Variants in FAM220A observed in about 807,000 individuals in gnomAD.
The protein encoded by FAM220A is protein FAM220A.
For synonymous variants in FAM220A, 141 were observed against 130.7 expected (o/e 1.08, Z -0.54); for missense variants, 392 against 321.6 (o/e 1.22, Z -1.68).
chr7:6,333,220 C>T lies in FAM220A; in HGVS notation c.-81-1985G>A, dbSNP rs116918242. 6.8e-3 allele frequency among the ~76,000 whole-genome samples: 1,023 copies of T among 150,196 alleles called. 10 individuals carry two copies. Among genetic ancestry groups the T allele is most frequent in the Non-Finnish European group, 0.011 (719 of 67,576 alleles). On this transcript the variant is annotated intron_variant, in intron 1 of 1. Coordinates refer to ENST00000313324, the MANE Select transcript of FAM220A (RefSeq NM_001037163.2). The stretch of plus-strand genomic sequence containing the variant: ...AACACTGGGGAGAAAATGAAGGATG[C>T]AGTTATTATTAGAGGCTGAAGGAGA...
At chr7:6,346,506 A>G (rs1293268762) in intron 1 of FAM220A, among the ~76,000 whole-genome samples, 1 of 152,158 alleles carries the variant, frequency 6.6e-6, no homozygotes, top group Non-Finnish European at 1.5e-5. Flanking sequence ...AGCTGGGACT[A>G]CAGGTGCACG....
Position 6,330,204 on chromosome 7 carries a change from T to C in FAM220A, c.*171A>G, listed in dbSNP as rs1017493787. On this transcript the variant is annotated 3_prime_UTR_variant, in exon 2 of 2. Transcript: ENST00000313324. ...TTTAACACATGCCAAAAAAGTTCCT[T>C]CCGCATCAACTGGCTTTGAATTTAA... 5.8e-5 allele frequency: 39 copies of C among 670,358 alleles called. No individual in the cohort carries two copies. The highest frequency in any genetic ancestry group is 9.4e-5 in the Non-Finnish European group (37 of 395,462). 41.5% of individuals were successfully genotyped at this position (670,358 alleles called of 1,614,324 possible). A position where few individuals can be genotyped will look rare whatever the true frequency, so the allele number is the denominator to read the frequency against.
intron 1 of FAM220A, among the ~76,000 whole-genome samples, chr7:6,345,417 C>T (rs986677452): frequency 6.6e-6 from 1 of 151,970 alleles, no homozygotes; most frequent in African/African-American, 2.4e-5. Context: ...ACCCAGCCCT[C>T]GATCTGATTT....
chr7:6,343,617 T>C (rs992535428), intron 1 of FAM220A, among the ~76,000 whole-genome samples: 3 of 151,790 alleles, frequency 2.0e-5, no homozygotes, highest in Non-Finnish European at 2.9e-5. Flanking sequence ...AGATTCTGTA[T>C]AAATAAGAAG....
At chr7:6,331,838 T>G (rs1781642391) in intron 1 of FAM220A, among the ~76,000 whole-genome samples, 1 of 151,102 alleles carries the variant, frequency 6.6e-6, no homozygotes, top group African/African-American at 2.4e-5. Context: ...CCTCTCAGGT[T>G]CGAGCGATTC....
Position 6,346,320 on chromosome 7 carries a change from C to T in FAM220A, c.-82+2253G>A, listed in dbSNP as rs547622115. 3.3e-5 allele frequency among the ~76,000 whole-genome samples: 5 copies of T among 152,296 alleles called. No individual in the cohort carries two copies. The South Asian group carries it at 1.0e-3, about 32-fold the overall frequency. ...TCAGAATGCTACAAGCCCTTGATCA[C>T]ATGACAGTACCTCAATTTGGACCTC... is the stretch of plus-strand genomic sequence containing the variant. On this transcript the variant is annotated intron_variant, in intron 1 of 1. Transcript: ENST00000313324.
chr7:6,339,140 T>C (rs1339927942), intron 1 of FAM220A, among the ~76,000 whole-genome samples: 2 of 152,126 alleles, frequency 1.3e-5, no homozygotes, highest in African/African-American at 2.4e-5. Context: ...CTAACATCAC[T>C]GAGTTCCTGC....
In FAM220A at chr7:6,335,284, A is replaced by G. The variant is rs558778225; in HGVS notation, c.-81-4049T>C. Among the ~76,000 whole-genome samples the G allele has an allele frequency of 2.6e-5, 4 of 151,278 alleles. No homozygotes were observed. The East Asian group carries it at 7.8e-4, about 30-fold the overall frequency. On this transcript the variant is annotated intron_variant, in intron 1 of 1. Transcript: ENST00000313324. ...GTTGCCCAGGCTGGAGGGCAATGGCACAATCTCGGCTCACTACAACCTCTG... is the reference window on the plus strand; with the variant it reads ...GTTGCCCAGGCTGGAGGGCAATGGCGCAATCTCGGCTCACTACAACCTCTG...
chr7:6,334,768 G>C (rs575634432), intron 1 of FAM220A, among the ~76,000 whole-genome samples: 1 of 148,692 alleles, frequency 6.7e-6, no homozygotes, highest in South Asian at 2.2e-4. Context: ...GCCCAGCCTG[G>C]ATAGTTAGTT....
At chr7:6,339,043 C>T (rs1781800062) in intron 1 of FAM220A, among the ~76,000 whole-genome samples, 2 of 152,152 alleles carry the variant, frequency 1.3e-5, no homozygotes, top group African/African-American at 4.8e-5. Flanking sequence ...AAACAAACCC[C>T]CGGATTTCCA....
In FAM220A at chr7:6,348,684, G is replaced by A; in HGVS notation, c.-193C>T. 1 of 483,556 alleles carries A rather than the reference G, an allele frequency of 2.1e-6. No individual in the cohort carries two copies. The highest frequency in any genetic ancestry group is 3.5e-5 in the South Asian group (1 of 28,186). The allele number at this position is 483,556 out of a possible 1,614,324, so 30.0% of individuals were successfully genotyped here. On this transcript the variant is annotated 5_prime_UTR_variant, in exon 1 of 2. Transcript: ENST00000313324. ...TGAGCAGCGTGCGAGTCAGCCCCTT[G>A]CAGAAGACCCCATAGGAGCGGGCGG...
Position 6,330,182 on chromosome 7 carries a change from A to C in FAM220A, c.*193T>G. 1 of 610,270 alleles carries C rather than the reference A, an allele frequency of 1.6e-6. No individual in the cohort carries two copies. Among genetic ancestry groups the C allele is most frequent in the Non-Finnish European group, 2.9e-6 (1 of 343,098 alleles). 37.8% of individuals were successfully genotyped at this position (610,270 alleles called of 1,614,324 possible). The stretch of plus-strand genomic sequence containing the variant: ...TTATATGTCTTTTAAAGCACAATTT[A>C]ACACATGCCAAAAAAGTTCCTTCCG... On this transcript the variant is annotated 3_prime_UTR_variant, in exon 2 of 2. Transcript: ENST00000313324.
chr7:6,348,878 G>A lies in FAM220A; in HGVS notation c.-387C>T. 2.6e-6 allele frequency: 1 copy of A among 388,648 alleles called. No homozygotes were observed. Among genetic ancestry groups the A allele is most frequent in the South Asian group, 1.4e-4 (1 of 7,090 alleles). The allele number at this position is 388,648 out of a possible 1,614,324, so 24.1% of individuals were successfully genotyped here. The stretch of plus-strand genomic sequence containing the variant: ...GGAGGCGGCGGCTAGACCGGCGGGC[G>A]GGCGGGCCGCAGTGGAGCGGAGTCC... On this transcript the variant is annotated 5_prime_UTR_variant, in exon 1 of 2. Transcript: ENST00000313324.
At chr7:6,341,982 G>C (rs895029846) in intron 1 of FAM220A, 6 of 151,086 alleles carry the variant, frequency 4.0e-5, no homozygotes, top group African/African-American at 1.5e-4. Flanking sequence ...TGGGCGACAA[G>C]AACAAGACTC....
chr7:6,335,758 G>A (rs934235111), intron 1 of FAM220A, among the ~76,000 whole-genome samples: 3 of 152,130 alleles, frequency 2.0e-5, no homozygotes, highest in African/African-American at 7.2e-5. Flanking sequence ...AACCAGGCCA[G>A]GTGCAGTGGC....
chr7:6,342,438 G>A (rs935254565), intron 1 of FAM220A, among the ~76,000 whole-genome samples: 2 of 151,618 alleles, frequency 1.3e-5, no homozygotes, highest in Non-Finnish European at 2.9e-5. Context: ...CCAGCTACTC[G>A]GGAGGCAGGA....
At chr7:6,346,594 T>C (rs1405454152) in intron 1 of FAM220A, among the ~76,000 whole-genome samples, 1 of 152,064 alleles carries the variant, frequency 6.6e-6, no homozygotes, top group Non-Finnish European at 1.5e-5. Flanking sequence ...TAGCCCAGGG[T>C]GGTCTCAAAC....
At chr7:6,332,871 T>C (rs1781664130) in intron 1 of FAM220A, among the ~76,000 whole-genome samples, 1 of 151,816 alleles carries the variant, frequency 6.6e-6, no homozygotes. Flanking sequence ...AGATTTGTTA[T>C]AAATTTTGGC....
At chr7:6,339,008 CAA>C (rs1781799495) in intron 1 of FAM220A, among the ~76,000 whole-genome samples, 2 of 152,230 alleles carry the variant, frequency 1.3e-5, no homozygotes, top group East Asian at 3.9e-4. Context: ...GCTCATGGCC[CAA>C]ATGATCAGAC....
Sources: allele counts gnomAD v4.1 joint callset (sites outside exome capture counted in the v4.1 genomes callset), GRCh38; gene constraint gnomAD v4.1.1; transcripts MANE v1.5; gene names NCBI Gene and HGNC (gene_info 2026-07-23, HGNC 2026-07-21).